Variants in STAG3 observed in about 807,000 individuals in gnomAD.
STAG3 encodes STAG3 cohesin complex component, also known as cohesin subunit SA-3.
In STAG3, 101 loss-of-function variants were observed where a neutral mutation model predicts 160.7. That is an observed-to-expected ratio of 0.63 (90% CI 0.54 to 0.74). The LOEUF (loss-of-function observed/expected upper bound fraction) is 0.74, where lower values mean the gene tolerates loss of function less well. STAG3 is among the 30% of genes least tolerant of loss of function. The pLI is 0.00. For missense variants in STAG3, 1,188 were observed against 1,517.4 expected, an observed-to-expected ratio of 0.78 and a Z score of 3.61; for synonymous variants, 519 against 585.0, an observed-to-expected ratio of 0.89 and a Z score of 1.63.
At chr7:100,192,144 G>C (rs775657474) in intron 8 of STAG3, among the ~76,000 whole-genome samples, 1 of 152,150 alleles carries the variant, frequency 6.6e-6, no homozygotes, top group Non-Finnish European at 1.5e-5. Context: ...AAAGTCATCC[G>C]TGAGGGTTAG....
chr7:100,219,292 A>C (rs991757381), downstream of STAG3: 10 of 156,676 alleles, frequency 6.4e-5, no homozygotes, highest in African/African-American at 2.4e-4. Context: ...GTGCGTTGGA[A>C]GTGAAAGGGA....
intron 29 of STAG3, among the ~76,000 whole-genome samples, chr7:100,205,951 A>G (rs1477386179): frequency 6.6e-6 from 1 of 152,118 alleles, no homozygotes; most frequent in Non-Finnish European, 1.5e-5. Context: ...ACTTTTACAC[A>G]ACCTTCATTG....
rs1584743716 is a variant in STAG3 at position 100,203,920 on chromosome 7, T to C, written c.2701-101T>C. On this transcript the variant is annotated intron_variant, in intron 25 of 33. Transcript: ENST00000615138. ...TATGCTTCAGTTCATGTTTCCTACCTAAGGGAGTTTGGGAGGGAGACATGA... is the reference window on the plus strand; with the variant it reads ...TATGCTTCAGTTCATGTTTCCTACCCAAGGGAGTTTGGGAGGGAGACATGA... The C allele has an allele frequency of 9.4e-6, 7 of 746,402 alleles. No individual in the cohort carries two copies. The East Asian group carries it at 1.8e-4, about 19-fold the overall frequency. 46.2% of individuals were successfully genotyped at this position (746,402 alleles called of 1,614,324 possible).
chr7:100,186,490 A>G (rs1358210704), intron 5 of STAG3, among the ~76,000 whole-genome samples, 194 bp downstream of exon 5: 1 of 152,296 alleles, frequency 6.6e-6, no homozygotes, highest in Non-Finnish European at 1.5e-5. Flanking sequence ...AAGCTGAGGC[A>G]GGTGGATCAC....
rs747044947 is a variant in STAG3 at position 100,201,823 on chromosome 7, T to A, written c.2258T>A (p.Ile753Asn). 1 of 1,614,182 alleles carries A rather than the reference T, an allele frequency of 6.2e-7. No individual in the cohort carries two copies. The highest frequency in any genetic ancestry group is 8.5e-7 in the Non-Finnish European group (1 of 1,180,022). ...GCCTTGACTCTTGTCTATTTTTCCA[T>A]TCTCTGGACACTAACCCACATTTCT... ...LPALTLVYFS[I>N]LWTLTHISKS... The change falls in exon 22 of 34, where the codon ATT (isoleucine) becomes AAT (asparagine). Residue 753 changes from isoleucine to asparagine, a missense_variant. Physicochemically the swap from Ile to Asn is moderately radical, Grantham distance 149. Coordinates refer to ENST00000615138, the MANE Select transcript of STAG3 (RefSeq NM_001282717.2).
chr7:100,195,238 T>C, intron 8 of STAG3, 71 bp from the exon 9 acceptor site: 1 of 1,388,164 alleles, frequency 7.2e-7, no homozygotes, highest in Admixed American at 1.7e-5. Context: ...AGTTGTAGTT[T>C]TTCTGTATCT....
At chr7:100,217,673 C>A (rs1802881683), downstream of STAG3, among the ~76,000 whole-genome samples, 1 of 152,150 alleles carries the variant, frequency 6.6e-6, no homozygotes, top group Non-Finnish European at 1.5e-5. Flanking sequence ...CGAGTCATCT[C>A]TATCGATAGA....
intron 25 of STAG3, among the ~76,000 whole-genome samples, chr7:100,203,537 C>T (rs536068988): frequency 4.0e-4 from 61 of 151,296 alleles, no homozygotes; most frequent in African/African-American, 1.5e-3. Flanking sequence ...TTTTTTGAGA[C>T]GGAATCTCGC....
chr7:100,212,467 A>AT (rs1802321623), intron 32 of STAG3: 1 of 151,832 alleles, frequency 6.6e-6, no homozygotes. Context: ...AATTATTTTT[A>AT]TTTTTTGAGG....
chr7:100,202,680 T>C, intron 25 of STAG3, 90 bp downstream of exon 25: 2 of 1,494,208 alleles, frequency 1.3e-6, no homozygotes, highest in Admixed American at 4.1e-5. Context: ...AGGTGGGGGA[T>C]ATCCAATGGT....
intron 16 of STAG3, 54 bp from the exon 17 acceptor site, chr7:100,200,182 C>G (rs1801004060): frequency 1.4e-6 from 2 of 1,387,140 alleles, no homozygotes; most frequent in Non-Finnish European, 2.0e-6. Flanking sequence ...GCACACACCC[C>G]CTGCACCAGT....
At position 100,188,475 on chromosome 7, in the gene STAG3, C is replaced by G; in HGVS notation, c.456C>G (p.Phe152Leu). 6.2e-7 allele frequency: 1 copy of G among 1,613,456 alleles called. No individual in the cohort carries two copies. Among genetic ancestry groups the G allele is most frequent in the Non-Finnish European group, 8.5e-7 (1 of 1,179,382 alleles). ...GCKGIVTPEMFKKMSNSEIIQ... is the reference protein window; with the variant it reads ...GCKGIVTPEMLKKMSNSEIIQ... ...TAGGCATTGTGACCCCTGAGATGTT[C>G]AAGAAGATGTCCAACTCAGAGATCA... The change falls in exon 6 of 34, where the codon TTC (phenylalanine) becomes TTG (leucine). Residue 152 changes from phenylalanine to leucine, a missense_variant. By Grantham distance (22) the Phe-to-Leu change is conservative. Around this residue, in one of 4 missense-constraint regions of STAG3, gnomAD observed 296 missense variants for 404.0 expected, o/e 0.73. Transcript: ENST00000615138.
At chr7:100,205,181 A>T in intron 28 of STAG3, 46 bp from the exon 29 acceptor site, 1 of 1,613,322 alleles carries the variant, frequency 6.2e-7, no homozygotes, top group South Asian at 1.1e-5. Context: ...GGGCCTGCTG[A>T]GGGCCCAGTA....
intron 26 of STAG3, 93 bp downstream of exon 26, chr7:100,204,215 G>A: frequency 1.0e-6 from 1 of 966,614 alleles, no homozygotes; most frequent in South Asian, 1.4e-5. Flanking sequence ...CTTCAGAGCA[G>A]TAACTTTTCT....
intron 1 of STAG3, 113 bp from the exon 2 acceptor site, chr7:100,180,380 C>T (rs540825838): frequency 3.5e-6 from 2 of 570,482 alleles, no homozygotes; most frequent in African/African-American, 1.9e-5. Context: ...TTTTTGGTCC[C>T]CCTCACCTGA....
At chr7:100,184,892 G>T (rs1584658194) in intron 4 of STAG3, among the ~76,000 whole-genome samples, 1 of 151,956 alleles carries the variant, frequency 6.6e-6, no homozygotes, top group Non-Finnish European at 1.5e-5. Context: ...TCAGTGCCTT[G>T]TTTCTTTATA....
rs1207573237 is a variant in STAG3 at position 100,201,935 on chromosome 7, C to T, written c.2302-14C>T. On this transcript the variant is annotated splice_polypyrimidine_tract_variant and intron_variant, in intron 22 of 33. Transcript: ENST00000615138. ...GTGTCTTCATTCTTCCCCTTCAAGCCACTGTGCCCACAGAAGCAGCTGTCG... is the reference window on the plus strand; with the variant it reads ...GTGTCTTCATTCTTCCCCTTCAAGCTACTGTGCCCACAGAAGCAGCTGTCG... 22 of 1,614,110 alleles carry T rather than the reference C, an allele frequency of 1.4e-5. No homozygotes were observed. In the South Asian group the frequency reaches 2.0e-4, roughly 15 times the overall value.
rs1801172881 is a variant in STAG3, at chr7:100,201,980, T to C, written c.2333T>C (p.Val778Ala). 6.2e-7 allele frequency: 1 copy of C among 1,614,056 alleles called. No individual in the cohort carries two copies. Among genetic ancestry groups the C allele is most frequent in the Non-Finnish European group, 8.5e-7 (1 of 1,180,038 alleles). ...KQLSSLRDRM[V>A]AFCELCQSCL... ...CTGTCGAGTTTGAGGGACAGAATGG[T>C]GGCCTTCTGTGAACTCTGCCAGAGT... The change falls in exon 23 of 34, where the codon GTG (valine) becomes GCG (alanine). Residue 778 changes from valine to alanine, a missense_variant. Around this residue, in one of 4 missense-constraint regions of STAG3, gnomAD observed 647 missense variants for 717.2 expected, o/e 0.90. Transcript: ENST00000615138.
intron 2 of STAG3, chr7:100,180,878 C>CTTTT: frequency 2.8e-6 from 1 of 356,778 alleles, no homozygotes; most frequent in Non-Finnish European, 5.2e-6. Flanking sequence ...GTAGTACATC[C>CTTTT]TGTTTTTTTT....
Sources: gnomAD v4.1 joint callset for allele counts (sites outside exome capture counted in the v4.1 genomes callset) on GRCh38, gnomAD v4.1.1 for gene constraint, gnomAD v4.1.1 regional missense constraint, MANE v1.5 for transcripts, NCBI Gene and HGNC (gene_info 2026-07-23, HGNC 2026-07-21) for gene names.